Variants in ALS2 observed in about 807,000 individuals in gnomAD.
ALS2 encodes the protein alsin.
In ALS2, 117 loss-of-function variants were observed where a neutral mutation model predicts 203.4. The observed-to-expected ratio is 0.58, with a 90% CI of 0.50 to 0.67. The LOEUF (loss-of-function observed/expected upper bound fraction) is 0.67, where lower values mean the gene tolerates loss of function less well. Among genes scored for constraint, ALS2 ranks in the 30% least tolerant of loss-of-function variants. The probability of loss-of-function intolerance (pLI) is 0.00; values close to 1 mark genes in which losing one functional copy is unlikely to be tolerated. For missense variants in ALS2, 1,715 were observed against 1,989.4 expected (o/e 0.86, Z 2.62); for synonymous variants, 718 against 725.9 (o/e 0.99, Z 0.17).
In ALS2 at chr2:201,723,052, A is replaced by G; in HGVS notation, c.3693T>C (p.Leu1231=). 2 of 1,609,962 alleles carry G rather than the reference A, an allele frequency of 1.2e-6. No individual in the cohort carries two copies. The highest frequency in any genetic ancestry group is 1.7e-6 in the Non-Finnish European group (2 of 1,177,452). The change falls in exon 23 of 34, where the codon CTT becomes CTC. Residue 1231 remains leucine (L), a synonymous_variant. Coordinates refer to ENST00000264276, the MANE Select transcript of ALS2 (RefSeq NM_020919.4). ...AAAGCTAGTTTCCAACCTTTCCACT[A>G]AGAGTCCAGTCATCTGAAAATTCTC... ...YEGEFSDDWT[L]SGKGTLTMPN... is the part of the protein sequence containing the mutation.
At position 201,767,233 on chromosome 2, in the gene ALS2, A is replaced by G. The variant is rs755641781; in HGVS notation, c.171T>C (p.Thr57=). The stretch of plus-strand genomic sequence containing the variant: ...TTACGCCATTCTTTTCATTACCTTC[A>G]GTCAGAAGAACTCCATGTTTCACTC... ...ALGVKHGVLL[T]EDGEVYSFGT... The change falls in exon 3 of 34, where the codon ACT becomes ACC. Residue 57 remains threonine, a synonymous_variant. Coordinates refer to ENST00000264276, the MANE Select transcript of ALS2 (RefSeq NM_020919.4). 1.2e-5 allele frequency: 19 copies of G among 1,614,070 alleles called. No homozygotes were observed. In the South Asian group the frequency reaches 1.9e-4, roughly 16 times the overall value.
Position 201,723,394 on chromosome 2 carries a change from T to C in ALS2, c.3560A>G (p.Asn1187Ser), listed in dbSNP as rs749390732. Residue 1187 changes from asparagine (N) to serine (S), a missense_variant, in exon 22 of 34, where the codon AAT becomes AGT. Around this residue, in one of 3 missense-constraint regions of ALS2, gnomAD observed 1,227 missense variants for 1,413.5 expected, o/e 0.87. Coordinates refer to ENST00000264276, the MANE Select transcript of ALS2 (RefSeq NM_020919.4). ...GMWQDDVCQG[N>S]GVVVTQFGLY... ...TCCAAACTGGGTAACCACCACACCA[T>C]TCCCTTGACACACATCATCTTGCCA... 6.2e-7 allele frequency: 1 copy of C among 1,614,024 alleles called. No homozygotes were observed. Among genetic ancestry groups the C allele is most frequent in the East Asian group, 2.2e-5 (1 of 44,880 alleles).
intron 13 of ALS2, among the ~76,000 whole-genome samples, chr2:201,730,078 T>G (rs1212377111): frequency 6.6e-6 from 1 of 152,140 alleles, no homozygotes; most frequent in Admixed American, 6.5e-5. Context: ...ATATCTGGAA[T>G]AGAGGGAAGC....
Position 201,711,176 on chromosome 2 carries a change from C to T in ALS2, c.4005-68G>A, listed in dbSNP as rs1690008349. 18 of 994,566 alleles carry T rather than the reference C, an allele frequency of 1.8e-5. No individual in the cohort carries two copies. The South Asian group carries it at 2.3e-4, about 13-fold the overall frequency. The allele number at this position is 994,566 out of a possible 1,614,324, so 61.6% of individuals were successfully genotyped here. A position where few individuals can be genotyped will look rare whatever the true frequency, so the allele number is the denominator to read the frequency against. On this transcript the variant is annotated intron_variant, in intron 25 of 33. Transcript: ENST00000264276. ...AAAGCAAGATACGTGTAAATACTCA[C>T]ATGAAACACAATCACTAGCTCCAGT... is the stretch of plus-strand genomic sequence containing the variant.
Position 201,701,670 on chromosome 2 carries a change from C to A in ALS2, c.*181G>T. On this transcript the variant is annotated 3_prime_UTR_variant, in exon 34 of 34. Transcript: ENST00000264276. The stretch of plus-strand genomic sequence containing the variant: ...CCTCCCTTTCAATCCTCCCTTTAAA[C>A]TATACAGTCCTTTTTTCTGGGCTCA... 1.6e-6 allele frequency: 1 copy of A among 622,176 alleles called. No individual in the cohort carries two copies. The allele number at this position is 622,176 out of a possible 1,614,324, so 38.5% of individuals were successfully genotyped here.
chr2:201,744,287 G>A lies in ALS2; in HGVS notation c.2141C>T (p.Ser714Phe). 6.2e-7 allele frequency: 1 copy of A among 1,614,124 alleles called. No individual in the cohort carries two copies. The highest frequency in any genetic ancestry group is 1.1e-5 in the South Asian group (1 of 91,082). Residue 714 changes from serine to phenylalanine, a missense_variant, in exon 10 of 34, where the codon TCT (serine) becomes TTT (phenylalanine). Ser to Phe is a radical substitution (Grantham distance 155, BLOSUM62 -2). Coordinates refer to ENST00000264276, the MANE Select transcript of ALS2 (RefSeq NM_020919.4). Reference protein sequence around the residue: ...RFYSKLSDIKSQILRPLLSLE... With the variant: ...RFYSKLSDIKFQILRPLLSLE... ...ACTGAGAAGAGGCCTGAGAATCTGAGATTTGATATCACTTAGTTTTGAATA... is the reference window on the plus strand; with the variant it reads ...ACTGAGAAGAGGCCTGAGAATCTGAAATTTGATATCACTTAGTTTTGAATA...
intron 24 of ALS2, among the ~76,000 whole-genome samples, chr2:201,717,663 G>A (rs1009246360): frequency 1.3e-5 from 2 of 151,362 alleles, no homozygotes; most frequent in African/African-American, 2.4e-5. Context: ...AAAGACTTTG[G>A]CCAGGTGCAG....
chr2:201,757,294 T>A, intron 5 of ALS2, 108 bp downstream of exon 5: 1 of 907,618 alleles, frequency 1.1e-6, no homozygotes, highest in Non-Finnish European at 1.8e-6. Context: ...CACATTTGAA[T>A]ATGTCAGCTT....
At chr2:201,739,743 C>CA (rs539359528) in intron 11 of ALS2, among the ~76,000 whole-genome samples, 3,064 of 66,298 alleles carry the variant, frequency 0.046, 42 homozygotes, top group Non-Finnish European at 0.059. Context: ...AACTCCAGCT[C>CA]AAAAAAAAAA....
At position 201,701,836 on chromosome 2, in the gene ALS2, A is replaced by C. The variant is rs561331219; in HGVS notation, c.*15T>G. ...CTCTGTAGTAGATAATCCAGTTTTCAAGCTGTTATGCAGCCTAGTTAAGCT... is the reference window on the plus strand; with the variant it reads ...CTCTGTAGTAGATAATCCAGTTTTCCAGCTGTTATGCAGCCTAGTTAAGCT... On this transcript the variant is annotated 3_prime_UTR_variant, in exon 34 of 34. Coordinates refer to ENST00000264276, the MANE Select transcript of ALS2 (RefSeq NM_020919.4). 109 of 1,613,262 alleles carry C rather than the reference A, an allele frequency of 6.8e-5. 2 individuals carry two copies. The South Asian group carries it at 1.1e-3, about 16-fold the overall frequency.
Position 201,741,793 on chromosome 2 carries a change from C to T in ALS2, c.2232G>A (p.Lys744=). Residue 744 remains lysine, a synonymous_variant, in exon 11 of 34, where the codon AAG becomes AAA. Transcript: ENST00000264276. ...CATGCTGACCAATGAGGTAACACAG[C>T]TTGCTGAATCGGCTAGCCACCTCCT... The part of the protein sequence containing the change: ...LLQEVASRFS[K]LCYLIGQHGA... 1 of 1,614,132 alleles carries T rather than the reference C, an allele frequency of 6.2e-7. No individual in the cohort carries two copies. The highest frequency in any genetic ancestry group is 1.1e-5 in the South Asian group (1 of 91,066).
intron 3 of ALS2, among the ~76,000 whole-genome samples, chr2:201,766,374 G>A (rs1325664618): frequency 6.6e-6 from 1 of 152,026 alleles, no homozygotes; most frequent in Non-Finnish European, 1.5e-5. Context: ...GGCTGGGCGT[G>A]GTGGCTCATC....
At chr2:201,753,483 A>C (rs1419915069) in intron 6 of ALS2, among the ~76,000 whole-genome samples, 1 of 152,222 alleles carries the variant, frequency 6.6e-6, no homozygotes, top group Non-Finnish European at 1.5e-5. Flanking sequence ...AAGAATCATA[A>C]AACTACAAAT....
chr2:201,732,150 G>A (rs1013338617), intron 13 of ALS2, among the ~76,000 whole-genome samples: 3 of 152,072 alleles, frequency 2.0e-5, no homozygotes, highest in Non-Finnish European at 2.9e-5. Context: ...CTTTAGTCTG[G>A]TTTCACAGCA....
chr2:201,757,652 C>T lies in ALS2; in HGVS notation c.1221G>A (p.Val407=). 1 of 1,614,150 alleles carries T rather than the reference C, an allele frequency of 6.2e-7. No homozygotes were observed. The highest frequency in any genetic ancestry group is 8.5e-7 in the Non-Finnish European group (1 of 1,180,026). Residue 407 remains valine (V), a synonymous_variant, in exon 5 of 34, where the codon GTG becomes GTA. Coordinates refer to ENST00000264276, the MANE Select transcript of ALS2 (RefSeq NM_020919.4). ...VSCASAVGVR[V]AATYEAGALS... ...AGGCACCAGCTTCATAAGTAGCAGC[C>T]ACTCTCACACCAACAGCAGATGCAC...
intron 19 of ALS2, among the ~76,000 whole-genome samples, 188 bp downstream of exon 19, chr2:201,726,296 C>T (rs1691158190): frequency 6.6e-6 from 1 of 152,132 alleles, no homozygotes; most frequent in East Asian, 1.9e-4. Context: ...GGGAAAATGA[C>T]CCAGTCTAGG....
intron 13 of ALS2, among the ~76,000 whole-genome samples, chr2:201,732,030 TTTA>T (rs918809545): frequency 6.6e-6 from 1 of 152,202 alleles, no homozygotes; most frequent in African/African-American, 2.4e-5. Context: ...GGAAAATTTT[TTTA>T]TTAATTGAGG....
At position 201,719,316 on chromosome 2, in the gene ALS2, C is replaced by T. The variant is rs146232220; in HGVS notation, c.3703-1106G>A. 7.1e-3 allele frequency among the ~76,000 whole-genome samples: 1,088 copies of T among 152,252 alleles called. 9 individuals are homozygous for T. The highest frequency in any genetic ancestry group is 0.025 in the African/African-American group (1,059 of 41,540). ...CTTAGAAAAGGGCCAGAGGGTTGGGCGCTGTGGCTCACGCCTGTAGTACCA... is the reference window on the plus strand; with the variant it reads ...CTTAGAAAAGGGCCAGAGGGTTGGGTGCTGTGGCTCACGCCTGTAGTACCA... On this transcript the variant is annotated intron_variant, in intron 23 of 33. Coordinates refer to ENST00000264276, the MANE Select transcript of ALS2 (RefSeq NM_020919.4).
At chr2:201,742,056 T>C (rs895056541) in intron 10 of ALS2, among the ~76,000 whole-genome samples, 16 of 152,142 alleles carry the variant, frequency 1.1e-4, no homozygotes, top group South Asian at 4.1e-4. Context: ...TAAAAACACA[T>C]TCACAGGAAC....
Sources: allele counts gnomAD v4.1 joint callset (sites outside exome capture counted in the v4.1 genomes callset), GRCh38; gene constraint gnomAD v4.1.1; regional missense constraint gnomAD v4.1.1; transcripts MANE v1.5; gene names NCBI Gene and HGNC (gene_info 2026-07-23, HGNC 2026-07-21).